The following ACAD11 variants were observed in gnomAD, a reference collection of about 807,000 sequenced individuals.
The protein encoded by ACAD11 is acyl-Coenzyme A dehydrogenase family, member 11.
ACAD11 carries 83 observed loss-of-function variants against 102.2 expected under a neutral mutation model. That is an observed-to-expected ratio of 0.81 (90% CI 0.68 to 0.97). ACAD11 has a LOEUF of 0.97. Ranked by LOEUF, ACAD11 falls within the 50% of genes least tolerant of loss-of-function variation. The pLI is 0.00. For synonymous variants in ACAD11, 324 were observed against 319.8 expected (o/e 1.01, Z -0.14); for missense variants, 901 against 951.7 (o/e 0.95, Z 0.70).
chr3:132,581,686 G>A (rs1323217626), intron 13 of ACAD11, among the ~76,000 whole-genome samples: 1 of 151,956 alleles, frequency 6.6e-6, no homozygotes, highest in Non-Finnish European at 1.5e-5. Flanking sequence ...GTGAACTGTG[G>A]TCCAAATATA....
intron 17 of ACAD11, among the ~76,000 whole-genome samples, chr3:132,574,638 CA>C (rs927260395): frequency 1.4e-4 from 22 of 152,122 alleles, no homozygotes; most frequent in African/African-American, 4.8e-4. Flanking sequence ...GCAGCAAACA[CA>C]AATACAATTC....
At chr3:132,653,886 C>T (rs186852108) in intron 1 of ACAD11, among the ~76,000 whole-genome samples, 14 of 152,304 alleles carry the variant, frequency 9.2e-5, no homozygotes, top group Non-Finnish European at 1.6e-4. Flanking sequence ...GTAAGACCTT[C>T]GATCTTATGT....
intron 11 of ACAD11, among the ~76,000 whole-genome samples, chr3:132,605,595 A>G (rs1938805242): frequency 6.6e-6 from 1 of 152,224 alleles, no homozygotes; most frequent in African/African-American, 2.4e-5. Context: ...TGCATGTCCT[A>G]CTGAGACTCC....
At chr3:132,644,354 A>G (rs1478079464) in intron 2 of ACAD11, among the ~76,000 whole-genome samples, 6 of 152,222 alleles carry the variant, frequency 3.9e-5, no homozygotes, top group Admixed American at 3.9e-4. Context: ...AGAGAGTACT[A>G]TAAAATACTT....
chr3:132,654,181 A>G (rs2107905845), intron 1 of ACAD11, among the ~76,000 whole-genome samples: 1 of 152,326 alleles, frequency 6.6e-6, no homozygotes, highest in East Asian at 1.9e-4. Flanking sequence ...ACATTTAATC[A>G]GTTAGTAAAC....
At chr3:132,595,324 C>G (rs1226409230) in intron 13 of ACAD11, among the ~76,000 whole-genome samples, 1 of 152,022 alleles carries the variant, frequency 6.6e-6, no homozygotes, top group African/African-American at 2.4e-5. Flanking sequence ...AACAAGTAGG[C>G]AAAGGGGTGA....
chr3:132,602,046 A>G (rs561317018), intron 13 of ACAD11: 1 of 167,006 alleles, frequency 6.0e-6, no homozygotes, highest in African/African-American at 2.4e-5. Flanking sequence ...AATTATTTTT[A>G]ATTATCTAAG....
At chr3:132,634,292 G>A (rs821575) in intron 5 of ACAD11, among the ~76,000 whole-genome samples, 4 of 152,086 alleles carry the variant, frequency 2.6e-5, no homozygotes, top group African/African-American at 7.2e-5. Context: ...GCAGCCAAAA[G>A]ACACATGAAA....
chr3:132,658,854 A>G (rs569361700), intron 1 of ACAD11, among the ~76,000 whole-genome samples: 1 of 152,324 alleles, frequency 6.6e-6, no homozygotes, highest in Admixed American at 6.5e-5. Context: ...CATTAATAAG[A>G]CTAATCAAAA....
intron 13 of ACAD11, among the ~76,000 whole-genome samples, chr3:132,588,352 T>C (rs1261697617): frequency 6.6e-6 from 1 of 152,214 alleles, no homozygotes; most frequent in Non-Finnish European, 1.5e-5. Context: ...AAATCAGGTC[T>C]TCACTTACCC....
chr3:132,600,663 T>C, intron 13 of ACAD11: 3 of 1,613,782 alleles, frequency 1.9e-6, no homozygotes, highest in Non-Finnish European at 1.7e-6. Flanking sequence ...GCAGATTTAC[T>C]CCTTCTATTC....
At chr3:132,606,499 AG>A (rs1264129441) in intron 11 of ACAD11, among the ~76,000 whole-genome samples, 1 of 152,212 alleles carries the variant, frequency 6.6e-6, no homozygotes, top group African/African-American at 2.4e-5. Context: ...TATCATTTAC[AG>A]GTTGGAAAAA....
intron 17 of ACAD11, among the ~76,000 whole-genome samples, chr3:132,574,019 G>A (rs1373127613): frequency 3.3e-5 from 5 of 152,182 alleles, no homozygotes; most frequent in Admixed American, 6.5e-5. Flanking sequence ...GATGTGAAAA[G>A]TTTCCAGTGA....
intron 14 of ACAD11, 135 bp from the exon 15 acceptor site, chr3:132,579,016 G>T: frequency 6.6e-7 from 1 of 1,521,602 alleles, no homozygotes; most frequent in Non-Finnish European, 8.8e-7. Context: ...TGGGAACTGT[G>T]TAAAAGACGT....
intron 11 of ACAD11, among the ~76,000 whole-genome samples, chr3:132,610,972 C>A (rs1327964482): frequency 1.3e-5 from 2 of 152,028 alleles, no homozygotes; most frequent in Non-Finnish European, 2.9e-5. Context: ...CAAAAATCCT[C>A]AATAAAATAC....
chr3:132,567,258 G>A (rs1433864033), intron 17 of ACAD11, among the ~76,000 whole-genome samples: 3 of 152,154 alleles, frequency 2.0e-5, no homozygotes, highest in Non-Finnish European at 4.4e-5. Flanking sequence ...GATTACAGGT[G>A]TGAACTACTG....
intron 13 of ACAD11, among the ~76,000 whole-genome samples, chr3:132,582,017 G>A (rs1937606353): frequency 6.6e-6 from 1 of 151,958 alleles, no homozygotes; most frequent in African/African-American, 2.4e-5. Flanking sequence ...CAATAAGAAA[G>A]GGAGGGATAA....
At chr3:132,575,625 A>T in intron 17 of ACAD11, 147 bp downstream of exon 17, 1 of 970,278 alleles carries the variant, frequency 1.0e-6, no homozygotes, top group Non-Finnish European at 1.5e-6. Context: ...TCATTAGACT[A>T]TATTTAAATA....
At chr3:132,624,960 C>T (rs1315909385) in intron 9 of ACAD11, among the ~76,000 whole-genome samples, 1 of 152,194 alleles carries the variant, frequency 6.6e-6, no homozygotes, top group Non-Finnish European at 1.5e-5. Flanking sequence ...GCCGGGATTA[C>T]AGGCTTGAGC....
Sources: gnomAD v4.1 joint callset for allele counts (sites outside exome capture counted in the v4.1 genomes callset) on GRCh38, gnomAD v4.1.1 for gene constraint, MANE v1.5 for transcripts, NCBI Gene and HGNC (gene_info 2026-07-23, HGNC 2026-07-21) for gene names.